Variants in NFATC2 observed in about 807,000 individuals in gnomAD.
The protein encoded by NFATC2 is nuclear factor of activated T cells 2.
NFATC2 carries 22 observed loss-of-function variants against 87.3 expected under a neutral mutation model. The observed-to-expected ratio is 0.25, with a 90% CI of 0.18 to 0.36. The LOEUF (loss-of-function observed/expected upper bound fraction) is 0.36. NFATC2 is among the 10% of genes least tolerant of loss of function. NFATC2 has a pLI of 1.00. For synonymous variants in NFATC2, 565 were observed against 542.2 expected, an observed-to-expected ratio of 1.04 and a Z score of -0.58; for missense variants, 1,149 against 1,259.1, an observed-to-expected ratio of 0.91 and a Z score of 1.32.
chr20:51,448,209 G>C (rs563630967), intron 6 of NFATC2, among the ~76,000 whole-genome samples: 1 of 152,334 alleles, frequency 6.6e-6, no homozygotes, highest in Admixed American at 6.5e-5. Flanking sequence ...CAAGAAAACA[G>C]AGCCGGGCAG....
chr20:51,491,873 C>T (rs1568684085), intron 3 of NFATC2, among the ~76,000 whole-genome samples: 2 of 59,488 alleles, frequency 3.4e-5, no homozygotes, highest in Non-Finnish European at 5.7e-5. Context: ...CACACACATA[C>T]ACATACACAC....
intron 10 of NFATC2, among the ~76,000 whole-genome samples, chr20:51,397,989 G>A (rs989982608): frequency 1.3e-5 from 2 of 152,182 alleles, no homozygotes; most frequent in African/African-American, 4.8e-5. Flanking sequence ...GGTCTTCTTA[G>A]CGGCCAGGCT....
At position 51,562,547 on chromosome 20, in the gene NFATC2, G is replaced by A. The variant is rs1312127452; in HGVS notation, c.70+13C>T. 5.2e-6 allele frequency: 8 copies of A among 1,548,946 alleles called. No homozygotes were observed. The highest frequency in any genetic ancestry group is 1.2e-5 in the South Asian group (1 of 83,786). On this transcript the variant is annotated intron_variant, in intron 1 of 10. Transcript: ENST00000414705. This position sits in a 1 kb window ranked among gnomAD's most constrained non-coding sequence, Gnocchi z 5.8. Reference sequence around the variant, plus strand: ...CGAGCGGAAAAGGCTGGAAGGGATCGAGAGTCAGTTACCTTGGTCCACAGA... The same window carrying A: ...CGAGCGGAAAAGGCTGGAAGGGATCAAGAGTCAGTTACCTTGGTCCACAGA...
intron 6 of NFATC2, among the ~76,000 whole-genome samples, chr20:51,448,382 C>A (rs550284352): frequency 1.5e-4 from 23 of 152,312 alleles, no homozygotes; most frequent in African/African-American, 5.5e-4. Flanking sequence ...TGGCTCGCGC[C>A]TGTAATCCCA....
intron 10 of NFATC2, among the ~76,000 whole-genome samples, chr20:51,397,852 T>G (rs778300700): frequency 6.6e-6 from 1 of 152,118 alleles, no homozygotes; most frequent in South Asian, 2.1e-4. Context: ...CCGATTAGAA[T>G]ATGGAGAAGA....
Position 51,432,455 on chromosome 20 carries a change from CG to C in NFATC2, c.2333del (p.Ala778GlyfsTer33). 1 of 1,566,754 alleles carries C rather than the reference CG, an allele frequency of 6.4e-7. No homozygotes were observed. ...GCACCAGCACAGAGCGGTGAGCGTC[CG>C]CAAGGGACAGCGGGGCGGCCATGAG... Reference protein sequence around the residue: ...PALMAAPLSLADAHRSVLVHA... With the variant: ...PALMAAPLSLXDAHRSVLVHA... On this transcript the variant is annotated frameshift_variant, in exon 9 of 11. Coordinates refer to ENST00000371564, the MANE Select transcript of NFATC2 (RefSeq NM_012340.5). LOFTEE classifies it high-confidence loss of function. This position sits in a 1 kb window ranked among gnomAD's most constrained non-coding sequence, Gnocchi z 4.6.
chr20:51,416,022 G>A (rs771844593), intron 9 of NFATC2, among the ~76,000 whole-genome samples: 26 of 152,070 alleles, frequency 1.7e-4, no homozygotes, highest in Non-Finnish European at 2.8e-4. Context: ...AGCACTTTGG[G>A]AGGCCGAGGT....
Position 51,522,076 on chromosome 20 carries a change from T to G in NFATC2, c.1160+1005A>C, listed in dbSNP as rs2076454149. 1.3e-5 allele frequency among the ~76,000 whole-genome samples: 2 copies of G among 152,192 alleles called. 1 individual carries two copies. Among genetic ancestry groups the G allele is most frequent in the South Asian group, 4.1e-4 (2 of 4,830 alleles). ...TGTATATGGGAGGATGTGCATAGGT[T>G]ATATGCAAATACTATACCATTTTAC... On this transcript the variant is annotated intron_variant, in intron 2 of 10. Coordinates refer to ENST00000371564, the MANE Select transcript of NFATC2 (RefSeq NM_012340.5).
At chr20:51,418,088 G>A (rs1980298015) in intron 9 of NFATC2, among the ~76,000 whole-genome samples, 1 of 152,190 alleles carries the variant, frequency 6.6e-6, no homozygotes, top group African/African-American at 2.4e-5. Context: ...CCCCTGTCCT[G>A]GGTGCTGTAC....
rs1982968434 is a variant in NFATC2 at position 51,432,790 on chromosome 20, T to C, written c.2033-34A>G. 1 of 1,513,802 alleles carries C rather than the reference T, an allele frequency of 6.6e-7. No individual in the cohort carries two copies. 93.8% of individuals were successfully genotyped at this position (1,513,802 alleles called of 1,614,324 possible). A position where few individuals can be genotyped will look rare whatever the true frequency, so the allele number is the denominator to read the frequency against. On this transcript the variant is annotated intron_variant, in intron 8 of 10. Coordinates refer to ENST00000371564, the MANE Select transcript of NFATC2 (RefSeq NM_012340.5). This position sits in a 1 kb window ranked among gnomAD's most constrained non-coding sequence, Gnocchi z 4.6. Reference sequence around the variant, plus strand: ...AGAAAAGAGCACATAGGGGCGCCCATGGCAGTGAGCCACGGATGTGCACGG... The same window carrying C: ...AGAAAAGAGCACATAGGGGCGCCCACGGCAGTGAGCCACGGATGTGCACGG...
chr20:51,508,971 G>A (rs866731551), intron 3 of NFATC2, among the ~76,000 whole-genome samples: 11 of 152,006 alleles, frequency 7.2e-5, no homozygotes, highest in Middle Eastern at 6.8e-3. Context: ...CTCCCGCCTC[G>A]CTCAGAGTCC....
chr20:51,489,536 C>T (rs1226700981), intron 3 of NFATC2, among the ~76,000 whole-genome samples: 1 of 152,228 alleles, frequency 6.6e-6, no homozygotes. Context: ...ATCAGCATCA[C>T]ATCAAGTCCC....
At chr20:51,533,009 G>A (rs1182679444) in intron 1 of NFATC2, among the ~76,000 whole-genome samples, 2 of 152,210 alleles carry the variant, frequency 1.3e-5, no homozygotes, top group South Asian at 4.1e-4. Flanking sequence ...AGCTCACCCC[G>A]ATGCCGAGGT....
chr20:51,426,268 CA>C (rs913939540), intron 9 of NFATC2, among the ~76,000 whole-genome samples: 46 of 152,302 alleles, frequency 3.0e-4, no homozygotes, highest in African/African-American at 1.0e-3. Context: ...CACCTGAGGT[CA>C]GGAGTTCGAG....
intron 9 of NFATC2, among the ~76,000 whole-genome samples, chr20:51,425,760 GTC>G (rs1472109195): frequency 2.0e-5 from 3 of 152,184 alleles, no homozygotes; most frequent in Admixed American, 2.0e-4. Context: ...TGGAGGGTGG[GTC>G]TCTCTGTTCA....
chr20:51,483,669 G>A (rs2146549745), intron 3 of NFATC2, among the ~76,000 whole-genome samples: 1 of 134,186 alleles, frequency 7.5e-6, no homozygotes, highest in East Asian at 2.4e-4. Flanking sequence ...CTTCGTCCAT[G>A]ACTTGACTCT....
At chr20:51,554,830 C>G (rs147317695) in intron 1 of NFATC2, among the ~76,000 whole-genome samples, 30 of 152,134 alleles carry the variant, frequency 2.0e-4, no homozygotes, top group Non-Finnish European at 3.8e-4. Flanking sequence ...AGATGAAACC[C>G]AGAAAAGTCT....
At chr20:51,391,476 G>A (rs201615099) in intron 10 of NFATC2, 25 bp from the exon 11 acceptor site, 34 of 1,585,370 alleles carry the variant, frequency 2.1e-5, no homozygotes, top group Admixed American at 1.8e-4. Context: ...AGGAGGGGGG[G>A]GGAGAGAGAA....
intron 10 of NFATC2, 80 bp downstream of exon 10, chr20:51,398,558 TTATAC>T (rs1222815875): frequency 1.9e-5 from 16 of 860,610 alleles, no homozygotes; most frequent in South Asian, 1.4e-4. Flanking sequence ...TCAAGTTTTC[TTATAC>T]TTTACTTAAA....
Sources: allele counts gnomAD v4.1 joint callset (sites outside exome capture counted in the v4.1 genomes callset), GRCh38; gene constraint gnomAD v4.1.1; non-coding constraint Gnocchi (gnomAD v3.1); transcripts MANE v1.5; gene names NCBI Gene and HGNC (gene_info 2026-07-23, HGNC 2026-07-21).